GRIN1: variants seen among roughly 807,000 people sequenced by gnomAD.
The protein encoded by GRIN1 is glutamate receptor ionotropic, NMDA 1.
A neutral mutation model predicts 103.0 loss-of-function variants in GRIN1; 38 were observed. The ratio of observed to expected loss-of-function variants is 0.37; its 90% CI spans 0.28 to 0.48. The LOEUF is 0.48. Ranked by LOEUF, GRIN1 falls within the 20% of genes least tolerant of loss-of-function variation. The pLI is 0.98. For missense variants in GRIN1, 577 were observed against 1,288.9 expected (o/e 0.45, Z 8.46); for synonymous variants, 544 against 532.7 (o/e 1.02, Z -0.29).
chr9:137,160,956 A>C, intron 8 of GRIN1, 100 bp from the exon 9 acceptor site: 1 of 1,462,756 alleles, frequency 6.8e-7, no homozygotes, highest in Non-Finnish European at 9.4e-7. Context: ...TGCGTCGGGG[A>C]TTAAGAGGGG....
At position 137,158,659 on chromosome 9, in the gene GRIN1, A is replaced by G. The variant is rs780539291; in HGVS notation, c.1152A>G (p.Gly384=). Residue 384 remains glycine (G), a synonymous_variant, in exon 8 of 20, where the codon GGA becomes GGG. Coordinates refer to ENST00000371561, the MANE Select transcript of GRIN1 (RefSeq NM_007327.4). Reference sequence around the variant, plus strand: ...ACAGGAAGATCATCTGGCCAGGCGGAGAGACAGAGAAGCCTCGAGGGTACC... The same window carrying G: ...ACAGGAAGATCATCTGGCCAGGCGGGGAGACAGAGAAGCCTCGAGGGTACC... ...PNDRKIIWPG[G]ETEKPRGYQM... 1 of 1,612,898 alleles carries G rather than the reference A, an allele frequency of 6.2e-7. No individual in the cohort carries two copies. The highest frequency in any genetic ancestry group is 8.5e-7 in the Non-Finnish European group (1 of 1,179,972).
chr9:137,152,645 G>A (rs1564352792), intron 4 of GRIN1, among the ~76,000 whole-genome samples: 1 of 152,076 alleles, frequency 6.6e-6, no homozygotes, highest in Admixed American at 6.5e-5. Context: ...TTGACCCCGC[G>A]TTGCCAGCCT....
chr9:137,149,595 G>A (rs368639363), intron 4 of GRIN1, among the ~76,000 whole-genome samples: 5 of 152,244 alleles, frequency 3.3e-5, no homozygotes, highest in African/African-American at 1.2e-4. Context: ...TTAGGTACCC[G>A]GGAAATCAAG....
chr9:137,155,914 C>T (rs1564356364), intron 4 of GRIN1, among the ~76,000 whole-genome samples: 1 of 152,232 alleles, frequency 6.6e-6, no homozygotes, highest in Non-Finnish European at 1.5e-5. Flanking sequence ...TATGCAGACT[C>T]CAGGGGGAAA....
intron 1 of GRIN1, among the ~76,000 whole-genome samples, chr9:137,140,193 C>T (rs1039594738): frequency 1.3e-5 from 2 of 152,138 alleles, no homozygotes; most frequent in East Asian, 3.9e-4. Flanking sequence ...CCGATGGGTC[C>T]GCCTGGGAAG....
Position 137,162,455 on chromosome 9 carries a change from G to A in GRIN1, c.1803G>A (p.Leu601=). Residue 601 remains leucine (L), a synonymous_variant, in exon 13 of 20, where the codon CTG becomes CTA. Coordinates refer to ENST00000371561, the MANE Select transcript of GRIN1 (RefSeq NM_007327.4). ...VNSEEEEEDA[L]TLSSAMWFSW... ...GCGAGGAGGAGGAGGAGGACGCACTGACCCTGTCCTCGGCCATGTGGTTCT... is the reference window on the plus strand; with the variant it reads ...GCGAGGAGGAGGAGGAGGACGCACTAACCCTGTCCTCGGCCATGTGGTTCT... 6.2e-7 allele frequency: 1 copy of A among 1,611,198 alleles called. No homozygotes were observed. The highest frequency in any genetic ancestry group is 8.5e-7 in the Non-Finnish European group (1 of 1,179,806).
chr9:137,158,592 C>T, intron 7 of GRIN1, 29 bp from the exon 8 acceptor site: 3 of 1,609,092 alleles, frequency 1.9e-6, no homozygotes, highest in Non-Finnish European at 2.5e-6. Flanking sequence ...CCTGCGTGGC[C>T]ACCCTCCATC....
chr9:137,162,276 G>T lies in GRIN1; in HGVS notation c.1737G>T (p.Leu579=). Residue 579 remains leucine (L), a synonymous_variant, in exon 12 of 20, where the codon CTG becomes CTT. Coordinates refer to ENST00000371561, the MANE Select transcript of GRIN1 (RefSeq NM_007327.4). ...SVHVVAVMLY[L]LDRFSPFGRF... ...ACGTGGTGGCCGTGATGCTGTACCT[G>T]CTGGACCGCTTCAGGTGAGCGCGAC... 6.5e-7 allele frequency: 1 copy of T among 1,547,832 alleles called. No homozygotes were observed.
intron 2 of GRIN1, among the ~76,000 whole-genome samples, chr9:137,144,481 C>CT (rs1832363397): frequency 6.6e-6 from 1 of 152,012 alleles, no homozygotes; most frequent in Non-Finnish European, 1.5e-5. Context: ...GGTGAAACCC[C>CT]ATCTCCACTA....
At chr9:137,153,500 C>A (rs981438078) in intron 4 of GRIN1, among the ~76,000 whole-genome samples, 1 of 152,092 alleles carries the variant, frequency 6.6e-6, no homozygotes, top group Non-Finnish European at 1.5e-5. Flanking sequence ...TCATACACAA[C>A]ACATACACAT....
intron 3 of GRIN1, among the ~76,000 whole-genome samples, chr9:137,147,433 C>T (rs1198696650): frequency 6.6e-6 from 1 of 151,994 alleles, no homozygotes; most frequent in East Asian, 1.9e-4. Context: ...TGCACAGGCA[C>T]ACACATGCAC....
intron 6 of GRIN1, among the ~76,000 whole-genome samples, chr9:137,157,326 CTG>C (rs1001842890): frequency 4.6e-5 from 7 of 152,176 alleles, no homozygotes; most frequent in African/African-American, 7.2e-5. Flanking sequence ...CCTCTGGACA[CTG>C]TTACTTCTCT....
chr9:137,147,772 A>G (rs1588698798), intron 3 of GRIN1, among the ~76,000 whole-genome samples: 1 of 152,106 alleles, frequency 6.6e-6, no homozygotes, highest in Admixed American at 6.5e-5. Flanking sequence ...GGGGCTGCTC[A>G]CCTCCCACTC....
At chr9:137,164,057 G>C in intron 18 of GRIN1, 153 bp downstream of exon 18, 1 of 934,212 alleles carries the variant, frequency 1.1e-6, no homozygotes. Context: ...TGCTCCCAGG[G>C]CACGGGGGCA....
chr9:137,156,780 C>G lies in GRIN1; in HGVS notation c.783C>G (p.Tyr261Ter). The G allele has an allele frequency of 6.3e-7, 1 of 1,592,110 alleles. No homozygotes were observed. The highest frequency in any genetic ancestry group is 8.5e-7 in the Non-Finnish European group (1 of 1,170,386). Residue 261 changes from tyrosine (Y) to a stop codon, truncating the protein, a stop_gained, in exon 5 of 20, where the codon TAC (tyrosine) becomes TAG (stop). Coordinates refer to ENST00000371561, the MANE Select transcript of GRIN1 (RefSeq NM_007327.4). LOFTEE classifies it high-confidence loss of function. ...EREISGNALR[Y>*]APDGILGLQL... ...AGATCTCGGGGAACGCCCTGCGCTA[C>G]GCCCCAGACGGTGAGTGCTGGGCCT...
In GRIN1 at chr9:137,139,564, C is replaced by T. The variant is rs2131186471; in HGVS notation, c.78C>T (p.Ile26=). Residue 26 remains isoleucine (I), a synonymous_variant, in exon 1 of 20, where the codon ATC becomes ATT. Transcript: ENST00000371561. This position sits in a 1 kb window ranked among gnomAD's most constrained non-coding sequence, Gnocchi z 7.7. ...CCCGTGCCGCGTGCGACCCCAAGAT[C>T]GTCAACATTGGCGCGGTGCTGAGCA... ...SVARAACDPK[I]VNIGAVLSTR... 1.2e-6 allele frequency: 2 copies of T among 1,612,972 alleles called. No homozygotes were observed. The highest frequency in any genetic ancestry group is 1.7e-5 in the Admixed American group (1 of 60,024).
intron 18 of GRIN1, chr9:137,164,609 C>T (rs974216087): frequency 5.6e-6 from 1 of 178,426 alleles, no homozygotes; most frequent in Non-Finnish European, 1.2e-5. Context: ...AGGCTCCACA[C>T]CTCTCATCCG....
chr9:137,146,450 C>G lies in GRIN1; in HGVS notation c.570+548C>G, dbSNP rs1832538523. Among the ~76,000 whole-genome samples, 1 of 152,160 alleles carries G rather than the reference C, an allele frequency of 6.6e-6. No homozygotes were observed. Among genetic ancestry groups the G allele is most frequent in the South Asian group, 2.1e-4 (1 of 4,822 alleles). On this transcript the variant is annotated intron_variant, in intron 3 of 19. Transcript: ENST00000371561. This position sits in a 1 kb window ranked among gnomAD's most constrained non-coding sequence, Gnocchi z 6.7. Reference sequence around the variant, plus strand: ...CACCTGCCCCCCAGCCTGGACCGCCCCTGTGGGCTCCACTCCCCTCCTTGC... The same window carrying G: ...CACCTGCCCCCCAGCCTGGACCGCCGCTGTGGGCTCCACTCCCCTCCTTGC...
rs766446024 is a variant in GRIN1, at chr9:137,167,461, G to A, written c.2751G>A (p.Leu917=). The change falls in exon 20 of 20, where the codon CTG becomes CTA. Residue 917 remains leucine (L), a synonymous_variant. Coordinates refer to ENST00000371561, the MANE Select transcript of GRIN1 (RefSeq NM_007327.4). ...GALQNQKDTV[L]PRRAIEREEG... ...TGCAAAACCAAAAAGACACAGTGCT[G>A]CCGCGACGCGCTATTGAGAGGGAGG... The A allele has an allele frequency of 6.4e-7, 1 of 1,559,712 alleles. No homozygotes were observed. Among genetic ancestry groups the A allele is most frequent in the Admixed American group, 1.9e-5 (1 of 52,312 alleles).
Sources: allele counts gnomAD v4.1 joint callset (sites outside exome capture counted in the v4.1 genomes callset), GRCh38; gene constraint gnomAD v4.1.1; non-coding constraint Gnocchi (gnomAD v3.1); transcripts MANE v1.5; gene names NCBI Gene and HGNC (gene_info 2026-07-23, HGNC 2026-07-21).